PRELID2: variants seen among roughly 807,000 people sequenced by gnomAD.
The protein encoded by PRELID2 is PRELI domain-containing protein 2.
In PRELID2, 25 loss-of-function variants were observed where a neutral mutation model predicts 28.4. The ratio of observed to expected loss-of-function variants is 0.88; its 90% CI spans 0.64 to 1.23. PRELID2 has a LOEUF of 1.23. Ranked by LOEUF, PRELID2 falls within the 50% of genes most tolerant of loss-of-function variation. PRELID2 has a pLI of 0.00. For missense variants in PRELID2, 201 were observed against 214.4 expected (o/e 0.94, Z 0.39); for synonymous variants, 76 against 71.6 (o/e 1.06, Z -0.31).
intron 1 of PRELID2, among the ~76,000 whole-genome samples, chr5:145,724,621 ATATATATATATAT>A: frequency 1.4e-5 from 1 of 70,364 alleles, no homozygotes; most frequent in African/African-American, 6.0e-5. Flanking sequence ...ATATATATAT[ATATATATATATAT>A]ATATATATAT....
the PRELID2 span, among the ~76,000 whole-genome samples, chr5:145,313,014 T>C: frequency 6.6e-6 from 1 of 151,816 alleles, no homozygotes; most frequent in Non-Finnish European, 1.5e-5. Flanking sequence ...TTTACAGAAA[T>C]AGAAAAAAAA....
At chr5:145,532,212 G>A (rs1752659918) in intron 1 of PRELID2, among the ~76,000 whole-genome samples, 1 of 152,166 alleles carries the variant, frequency 6.6e-6, no homozygotes, top group South Asian at 2.1e-4. Context: ...TTCATTAGGT[G>A]TGTGATTAAC....
intron 1 of PRELID2, among the ~76,000 whole-genome samples, chr5:145,719,239 T>C (rs2149715883): frequency 6.6e-6 from 1 of 151,912 alleles, no homozygotes; most frequent in Non-Finnish European, 1.5e-5. Context: ...ATGTCTAAGA[T>C]TAAATTAAAA....
chr5:145,384,124 T>TC, the PRELID2 span, among the ~76,000 whole-genome samples: 7 of 152,070 alleles, frequency 4.6e-5, no homozygotes, highest in Non-Finnish European at 1.0e-4. Context: ...CATTTTAAAC[T>TC]CAAGAATAGA....
the PRELID2 span, among the ~76,000 whole-genome samples, chr5:145,431,385 C>T: frequency 1.4e-3 from 213 of 151,996 alleles, 1 homozygote; most frequent in African/African-American, 2.7e-3. Flanking sequence ...AATAAATAAA[C>T]GGATAAACTG....
intron 1 of PRELID2, among the ~76,000 whole-genome samples, chr5:145,524,489 A>G (rs568202596): frequency 6.6e-6 from 1 of 152,360 alleles, no homozygotes; most frequent in South Asian, 2.1e-4. Context: ...GATTTGAGAA[A>G]CAGTAGAAAC....
intron 1 of PRELID2, among the ~76,000 whole-genome samples, chr5:145,620,478 A>T (rs1753759100): frequency 6.6e-6 from 1 of 152,132 alleles, no homozygotes; most frequent in Non-Finnish European, 1.5e-5. Context: ...AAAATGGGGG[A>T]TGCTACGCAT....
chr5:145,570,430 T>A (rs2077674), intron 1 of PRELID2, among the ~76,000 whole-genome samples: 11,729 of 151,890 alleles, frequency 0.077, 641 homozygotes, highest in Admixed American at 0.18. Context: ...GAAAAAAAAA[T>A]TTGCAGGAGT....
At chr5:145,829,643 A>G (rs115648423) in intron 1 of PRELID2, among the ~76,000 whole-genome samples, 91 of 152,282 alleles carry the variant, frequency 6.0e-4, no homozygotes, top group African/African-American at 2.1e-3. Context: ...ACAGCGCTCC[A>G]TCCCTGTCTT....
the PRELID2 span, among the ~76,000 whole-genome samples, chr5:145,379,611 G>A: frequency 6.6e-6 from 1 of 152,156 alleles, no homozygotes. Flanking sequence ...TGCTCACCAA[G>A]GCTTCACCTG....
chr5:145,649,820 T>C (rs534617026), intron 1 of PRELID2, among the ~76,000 whole-genome samples: 2 of 152,350 alleles, frequency 1.3e-5, no homozygotes, highest in East Asian at 3.9e-4. Context: ...TTAATTGCAA[T>C]TGTTTTAACA....
the PRELID2 span, among the ~76,000 whole-genome samples, chr5:145,304,353 C>A: frequency 6.6e-6 from 1 of 152,070 alleles, no homozygotes; most frequent in East Asian, 1.9e-4. Context: ...TCCAAAGTCA[C>A]GCAGCTAAAA....
chr5:145,413,234 T>G, the PRELID2 span, among the ~76,000 whole-genome samples: 1 of 151,942 alleles, frequency 6.6e-6, no homozygotes, highest in Non-Finnish European at 1.5e-5. Flanking sequence ...ATATGAAAAA[T>G]GCTCAACATC....
At chr5:145,353,465 A>G in the PRELID2 span, among the ~76,000 whole-genome samples, 1 of 151,622 alleles carries the variant, frequency 6.6e-6, no homozygotes, top group Non-Finnish European at 1.5e-5. Flanking sequence ...TCCATCTCAA[A>G]AAAAAAAGAA....
At chr5:145,468,066 C>G (rs1752019103), downstream of PRELID2, among the ~76,000 whole-genome samples, 4 of 152,070 alleles carry the variant, frequency 2.6e-5, no homozygotes, top group Admixed American at 6.6e-5. Context: ...TCCCTCCCCG[C>G]TCTCCCAACC....
At chr5:145,662,088 C>T (rs952071811) in intron 1 of PRELID2, among the ~76,000 whole-genome samples, 3 of 151,892 alleles carry the variant, frequency 2.0e-5, no homozygotes, top group South Asian at 2.1e-4. Flanking sequence ...CCAATGCAGG[C>T]ACTTGTCTAG....
At chr5:145,761,771 G>A (rs1757488280) in intron 6 of PRELID2, among the ~76,000 whole-genome samples, 1 of 152,184 alleles carries the variant, frequency 6.6e-6, no homozygotes, top group Non-Finnish European at 1.5e-5. Flanking sequence ...TTTACAGGCT[G>A]TAGTTTCCTG....
At chr5:145,464,437 A>G in the PRELID2 span, among the ~76,000 whole-genome samples, 1 of 152,160 alleles carries the variant, frequency 6.6e-6, no homozygotes, top group Admixed American at 6.6e-5. Flanking sequence ...ATGTTTAAAT[A>G]TTTCTCAACA....
chr5:145,809,665 G>A (rs1753798236), intron 4 of PRELID2, among the ~76,000 whole-genome samples: 1 of 152,242 alleles, frequency 6.6e-6, no homozygotes, highest in African/African-American at 2.4e-5. Context: ...TGAAGACATG[G>A]CCATTGAGAT....
Sources: allele counts gnomAD v4.1 joint callset (sites outside exome capture counted in the v4.1 genomes callset), GRCh38; gene constraint gnomAD v4.1.1; transcripts MANE v1.5; gene names NCBI Gene and HGNC (gene_info 2026-07-23, HGNC 2026-07-21).